The following SEMA3A variants were observed in gnomAD, a reference collection of about 807,000 sequenced individuals.
The protein encoded by SEMA3A is semaphorin-3A.
SEMA3A carries 29 observed loss-of-function variants against 97.9 expected under a neutral mutation model. The observed-to-expected ratio is 0.30, with a 90% CI of 0.22 to 0.40. The LOEUF is 0.40. SEMA3A is among the 10% of genes least tolerant of loss of function. The pLI, the probability that SEMA3A is intolerant of heterozygous loss-of-function variation, is 1.00. For synonymous variants in SEMA3A, 321 were observed against 323.7 expected (o/e 0.99, Z 0.09); for missense variants, 763 against 951.3 (o/e 0.80, Z 2.60).
chr7:84,245,437 C>T (rs1799456313), intron 3 of SEMA3A, among the ~76,000 whole-genome samples: 1 of 151,842 alleles, frequency 6.6e-6, no homozygotes, highest in Admixed American at 6.6e-5. Flanking sequence ...TTTTCGGCTC[C>T]ATCAGGTCAT....
At chr7:84,305,618 G>T (rs893100780) in intron 3 of SEMA3A, among the ~76,000 whole-genome samples, 1 of 151,920 alleles carries the variant, frequency 6.6e-6, no homozygotes, top group African/African-American at 2.4e-5. Context: ...AACATTAAAA[G>T]ACAATGGTGG....
chr7:84,194,799 A>T, upstream of SEMA3A: 3 of 273,276 alleles, frequency 1.1e-5, no homozygotes, highest in Non-Finnish European at 1.3e-5. Flanking sequence ...CCAAAAAGAA[A>T]AAAAAAAAAA....
At chr7:84,053,786 T>C (rs576895597) in intron 5 of SEMA3A, among the ~76,000 whole-genome samples, 4 of 144,390 alleles carry the variant, frequency 2.8e-5, no homozygotes, top group South Asian at 2.4e-4. Flanking sequence ...GCTCGTTAAT[T>C]GATGGAGTTT....
chr7:83,966,131 G>T (rs1056670754), intron 15 of SEMA3A, among the ~76,000 whole-genome samples: 1 of 151,878 alleles, frequency 6.6e-6, no homozygotes, highest in Non-Finnish European at 1.5e-5. Context: ...ACATCCTCTG[G>T]TGGTGGCAAG....
intron 6 of SEMA3A, among the ~76,000 whole-genome samples, chr7:84,034,185 T>C (rs1217254417): frequency 6.6e-6 from 1 of 152,010 alleles, no homozygotes; most frequent in Non-Finnish European, 1.5e-5. Context: ...GGTCTCATCA[T>C]GTTGGCTAGG....
intron 2 of SEMA3A, among the ~76,000 whole-genome samples, chr7:84,353,824 A>AG (rs1802491942): frequency 6.6e-6 from 1 of 151,686 alleles, no homozygotes; most frequent in Non-Finnish European, 1.5e-5. Context: ...ATCTAACATA[A>AG]AAAGTAATTT....
chr7:84,129,072 T>C (rs1461704240), intron 3 of SEMA3A, 51 bp downstream of exon 3: 1 of 1,405,562 alleles, frequency 7.1e-7, no homozygotes, highest in South Asian at 1.2e-5. Flanking sequence ...CCCAAGCATT[T>C]TGAATGAAGG....
At chr7:84,361,025 T>C (rs1802706104) in intron 2 of SEMA3A, among the ~76,000 whole-genome samples, 1 of 152,118 alleles carries the variant, frequency 6.6e-6, no homozygotes, top group Non-Finnish European at 1.5e-5. Context: ...TCAAAATTAG[T>C]TTAATATTCA....
chr7:84,395,141 T>A (rs761539431), intron 1 of SEMA3A, among the ~76,000 whole-genome samples: 1 of 152,090 alleles, frequency 6.6e-6, no homozygotes, highest in Non-Finnish European at 1.5e-5. Flanking sequence ...CTTATGTCAC[T>A]AGTATTGTAT....
rs1269428012 is a variant in SEMA3A at position 84,121,659 on chromosome 7, G to C, written c.333+7464C>G. On this transcript the variant is annotated intron_variant, in intron 3 of 16. Transcript: ENST00000265362. ...AAGTCTTTTTTTTTTTTTTTTTTGA[G>C]ACGGAGTCTCGCTCTGTCGCCCAGG... Among the ~76,000 whole-genome samples, 2 of 25,458 alleles carry C rather than the reference G, an allele frequency of 7.9e-5. 1 individual carries two copies. Among genetic ancestry groups the C allele is most frequent in the Non-Finnish European group, 1.3e-4 (2 of 15,326 alleles). The allele number at this position is 25,458 out of a possible 152,430, so 16.7% of individuals were successfully genotyped here.
intron 3 of SEMA3A, among the ~76,000 whole-genome samples, chr7:84,125,565 G>C (rs1357561866): frequency 2.0e-5 from 3 of 152,202 alleles, no homozygotes; most frequent in East Asian, 3.8e-4. Context: ...TGATGCAGGT[G>C]AATCTCTAAA....
In SEMA3A at chr7:84,280,193, A is replaced by G. The variant is rs111606611; in HGVS notation, c.-83+27014T>C. On this transcript the variant is annotated intron_variant, in intron 3 of 3. Coordinates refer to the SEMA3A transcript ENST00000424555. ...ATTACAGATGTGAGACACTGCACCA[A>G]GCCTCTTATTTTGAATAAAAGTTAT... Among the ~76,000 whole-genome samples, 5 of 152,234 alleles carry G rather than the reference A, an allele frequency of 3.3e-5. 1 individual carries two copies. The highest frequency in any genetic ancestry group is 1.2e-4 in the African/African-American group (5 of 41,572).
At chr7:84,414,184 G>A (rs931808780) in intron 1 of SEMA3A, among the ~76,000 whole-genome samples, 2 of 151,864 alleles carry the variant, frequency 1.3e-5, no homozygotes, top group African/African-American at 4.8e-5. Flanking sequence ...TCTAATCAAT[G>A]TTCACCATTT....
At chr7:84,274,969 T>A (rs1385563658) in intron 3 of SEMA3A, among the ~76,000 whole-genome samples, 1 of 152,058 alleles carries the variant, frequency 6.6e-6, no homozygotes, top group Non-Finnish European at 1.5e-5. Context: ...CCATGAACTA[T>A]AGGGGTGTTA....
chr7:84,374,058 G>C (rs1295129987), intron 1 of SEMA3A, among the ~76,000 whole-genome samples: 2 of 152,152 alleles, frequency 1.3e-5, no homozygotes, highest in African/African-American at 2.4e-5. Context: ...GAGATCACGG[G>C]AGAGGAATGG....
chr7:84,238,644 C>T lies in SEMA3A; in HGVS notation c.-82-43976G>A, dbSNP rs180775250. Among the ~76,000 whole-genome samples the T allele has an allele frequency of 5.9e-3, 899 of 152,138 alleles. 5 individuals are homozygous for T. The highest frequency in any genetic ancestry group is 8.7e-3 in the Non-Finnish European group (589 of 67,968). On this transcript the variant is annotated intron_variant, in intron 3 of 3. Transcript: ENST00000424555. Reference sequence around the variant, plus strand: ...CTGAAACAATTTTAAATAATTCATTCCATATACAAAACTGTTTGCAAAAGT... The same window carrying T: ...CTGAAACAATTTTAAATAATTCATTTCATATACAAAACTGTTTGCAAAAGT...
chr7:84,321,872 G>GAAAAAAAAAAAAAAAAAAAAAAA (rs1156548285), intron 2 of SEMA3A, among the ~76,000 whole-genome samples: 1 of 12,066 alleles, frequency 8.3e-5, no homozygotes, highest in African/African-American at 2.5e-4. Context: ...CGAGACTACG[G>GAAAAAAAAAAAAAAAAAAAAAAA]AAAAAAAAAA....
chr7:84,002,122 T>C (rs1256781847), intron 11 of SEMA3A, 76 bp from the exon 12 acceptor site: 13 of 819,130 alleles, frequency 1.6e-5, no homozygotes, highest in South Asian at 1.2e-4. Context: ...ATGAAATATG[T>C]ATTTGTCAGA....
chr7:83,994,074 C>T (rs1174655178), intron 12 of SEMA3A, among the ~76,000 whole-genome samples: 1 of 150,728 alleles, frequency 6.6e-6, no homozygotes, highest in African/African-American at 2.4e-5. Flanking sequence ...TTTCATCTTC[C>T]ATCGCTGATA....
Sources: allele counts gnomAD v4.1 joint callset (sites outside exome capture counted in the v4.1 genomes callset), GRCh38; gene constraint gnomAD v4.1.1; transcripts MANE v1.5; gene names NCBI Gene and HGNC (gene_info 2026-07-23, HGNC 2026-07-21).